The following CFAP47 variants were observed in gnomAD, a reference collection of about 807,000 sequenced individuals.
CFAP47 encodes the protein cilia- and flagella-associated protein 47.
CFAP47 carries 29 observed loss-of-function variants against 148.1 expected under a neutral mutation model. The ratio of observed to expected loss-of-function variants is 0.20; its 90% CI spans 0.15 to 0.27. The LOEUF is 0.27. CFAP47 is among the 10% of genes least tolerant of loss of function. The pLI, the probability that CFAP47 is intolerant of heterozygous loss-of-function variation, is 1.00. For missense variants in CFAP47, 1,872 were observed against 1,697.5 expected (o/e 1.10, Z -1.81); for synonymous variants, 664 against 577.3 (o/e 1.15, Z -2.15).
intron 48 of CFAP47, among the ~76,000 whole-genome samples, chrX:36,241,004 C>T (rs998530530): frequency 1.4e-4 from 15 of 110,191 alleles, no homozygotes; most frequent in African/African-American, 4.6e-4. Context: ...GGGAAAACAC[C>T]GAGAGTGGAT....
intron 3 of CFAP47, 86 bp from the exon 4 acceptor site, chrX:35,948,228 G>T: frequency 1.1e-6 from 1 of 885,769 alleles, no homozygotes; most frequent in Non-Finnish European, 1.6e-6. Flanking sequence ...TGGTCTACTG[G>T]GTAAAGTATG....
At chrX:36,016,701 CTTTTT>C (rs1281064323) in intron 22 of CFAP47, among the ~76,000 whole-genome samples, 1 of 54,457 alleles carries the variant, frequency 1.8e-5, no homozygotes. Flanking sequence ...TTATGCCAGT[CTTTTT>C]TTTTTTTTTT....
Position 36,039,051 on chromosome X carries a change from A to T in CFAP47, c.3879A>T (p.Ile1293=), listed in dbSNP as rs1937370760. 1 of 1,128,170 alleles carries T rather than the reference A, an allele frequency of 8.9e-7. No individual in the cohort carries two copies. The highest frequency in any genetic ancestry group is 1.2e-6 in the Non-Finnish European group (1 of 840,250). 93.0% of individuals were successfully genotyped at this position (1,128,170 alleles called of 1,213,427 possible). The change falls in exon 25 of 64, where the codon ATA becomes ATT. Residue 1293 remains isoleucine, a synonymous_variant. Coordinates refer to ENST00000378653, the MANE Select transcript of CFAP47 (RefSeq NM_001304548.2). ...LLNYIPVCYK[I]LHLTGEVKSP... is the part of the protein sequence containing the mutation. Reference sequence around the variant, plus strand: ...ATTATATTCCAGTTTGCTATAAAATATTACATCTTACTGGGGAAGTAAAAT... The same window carrying T: ...ATTATATTCCAGTTTGCTATAAAATTTTACATCTTACTGGGGAAGTAAAAT...
intron 49 of CFAP47, among the ~76,000 whole-genome samples, chrX:36,258,269 G>C (rs1176803377): frequency 1.8e-5 from 2 of 111,872 alleles, no homozygotes; most frequent in Non-Finnish European, 3.8e-5. Flanking sequence ...CAAACCAATA[G>C]AGTTAGCTTG....
chrX:36,358,025 T>C (rs1941798924), intron 60 of CFAP47, among the ~76,000 whole-genome samples: 1 of 111,839 alleles, frequency 8.9e-6, no homozygotes, highest in Non-Finnish European at 1.9e-5. Flanking sequence ...GTTTGGCCTG[T>C]AATCACAAAC....
chrX:36,118,799 A>G (rs1938689104), intron 33 of CFAP47, among the ~76,000 whole-genome samples: 1 of 112,085 alleles, frequency 8.9e-6, no homozygotes, highest in African/African-American at 3.2e-5. Flanking sequence ...TCTTTAGTTA[A>G]GGAAATTCCT....
intron 49 of CFAP47, among the ~76,000 whole-genome samples, chrX:36,252,804 G>C (rs1473565601): frequency 9.0e-6 from 1 of 111,588 alleles, no homozygotes; most frequent in East Asian, 2.8e-4. Flanking sequence ...ATTCAGAATT[G>C]GTATAATTAG....
rs1251048744 is a variant in CFAP47, at chrX:36,066,808, G to A, written c.4318+1065G>A. On this transcript the variant is annotated intron_variant, in intron 27 of 63. Coordinates refer to ENST00000378653, the MANE Select transcript of CFAP47 (RefSeq NM_001304548.2). ...AGCAAAAAGGGTAGCTTCAGGCCAT[G>A]CATTCCTTATTAATTCTTTCCAAAT... 2.7e-5 allele frequency among the ~76,000 whole-genome samples: 3 copies of A among 111,734 alleles called. No homozygotes were observed. The Admixed American group carries it at 2.8e-4, about 11-fold the overall frequency.
intron 47 of CFAP47, among the ~76,000 whole-genome samples, chrX:36,236,314 A>G (rs1042790283): frequency 8.9e-6 from 1 of 112,380 alleles, no homozygotes; most frequent in Non-Finnish European, 1.9e-5. Context: ...TTAATTTTGT[A>G]CAACATGCTG....
chrX:36,216,186 G>A (rs1422698117), intron 45 of CFAP47, among the ~76,000 whole-genome samples: 1 of 112,484 alleles, frequency 8.9e-6, no homozygotes, highest in Admixed American at 9.3e-5. Context: ...TCTGCGGGCA[G>A]AGCCCCGCAG....
intron 45 of CFAP47, among the ~76,000 whole-genome samples, chrX:36,218,471 A>C (rs1940180940): frequency 8.9e-6 from 1 of 111,977 alleles, no homozygotes; most frequent in Non-Finnish European, 1.9e-5. Flanking sequence ...ATTCCCAAAA[A>C]TGACCACAAC....
At chrX:36,080,880 G>A (rs1298143989) in intron 29 of CFAP47, among the ~76,000 whole-genome samples, 2 of 111,744 alleles carry the variant, frequency 1.8e-5, no homozygotes, top group Non-Finnish European at 1.9e-5. Flanking sequence ...GTATACATAT[G>A]TAACAAACCT....
Position 36,353,556 on chromosome X carries a change from G to A in CFAP47, c.8726G>A (p.Arg2909Gln), listed in dbSNP as rs1556017881. ...PVVIQCQSRKRAEEKVEIILN... is the reference protein window; with the variant it reads ...PVVIQCQSRKQAEEKVEIILN... ...GTCATACAATGTCAGTCCAGGAAGC[G>A]GGCAGAAGAGAAGGTAGAAATCATA... The change falls in exon 60 of 64, where the codon CGG (arginine) becomes CAG (glutamine). Residue 2909 changes from arginine to glutamine, a missense_variant. By Grantham distance (43) the Arg-to-Gln change is conservative (BLOSUM62 1). Transcript: ENST00000378653. 3.4e-6 allele frequency: 4 copies of A among 1,164,065 alleles called. No individual in the cohort carries two copies. Among genetic ancestry groups the A allele is most frequent in the African/African-American group, 1.8e-5 (1 of 56,174 alleles).
intron 25 of CFAP47, among the ~76,000 whole-genome samples, chrX:36,044,007 C>T (rs776471174): frequency 1.8e-5 from 2 of 112,981 alleles, no homozygotes; most frequent in African/African-American, 6.4e-5. Context: ...AGGCCCAACA[C>T]GATGTGGAAG....
Position 36,077,174 on chromosome X carries a change from C to T in CFAP47, c.4691+3810C>T, listed in dbSNP as rs193136369. ...TACAGTTTGAAGTCAGGTAATACAGCGCCTCCAGCTTTTTTTTTTTTTTTT... is the reference window on the plus strand; with the variant it reads ...TACAGTTTGAAGTCAGGTAATACAGTGCCTCCAGCTTTTTTTTTTTTTTTT... On this transcript the variant is annotated intron_variant, in intron 29 of 63. Transcript: ENST00000378653. 9.0e-5 allele frequency among the ~76,000 whole-genome samples: 7 copies of T among 77,560 alleles called. No homozygotes were observed. In the East Asian group the frequency reaches 1.7e-3, roughly 19 times the overall value. The allele number at this position is 77,560 out of a possible 115,157, so 67.4% of individuals were successfully genotyped here.
chrX:35,993,950 C>T (rs919011328), intron 18 of CFAP47, among the ~76,000 whole-genome samples: 1 of 111,410 alleles, frequency 9.0e-6, no homozygotes, highest in South Asian at 3.7e-4. Flanking sequence ...TTTATGTTCT[C>T]GGAATTATGT....
rs781913814 is a variant in CFAP47 at position 36,227,323 on chromosome X, C to T, written c.6818-1305C>T. Among the ~76,000 whole-genome samples the T allele has an allele frequency of 6.3e-5, 7 of 111,521 alleles. No homozygotes were observed. The South Asian group carries it at 2.2e-3, about 35-fold the overall frequency. On this transcript the variant is annotated intron_variant, in intron 45 of 63. Coordinates refer to ENST00000378653, the MANE Select transcript of CFAP47 (RefSeq NM_001304548.2). The stretch of plus-strand genomic sequence containing the variant: ...TGTAATACAAATTTCAAATATTATC[C>T]ATTATCAGCATGTTTTAATATGTAC...
At chrX:35,924,418 TGCACAC>T (rs1935690807) in intron 1 of CFAP47, among the ~76,000 whole-genome samples, 1 of 101,946 alleles carries the variant, frequency 9.8e-6, no homozygotes, top group Non-Finnish European at 1.9e-5. Context: ...TATGTGTATA[TGCACAC>T]ATATGTGTAT....
intron 27 of CFAP47, among the ~76,000 whole-genome samples, chrX:36,067,994 C>T (rs1937671974): frequency 8.9e-6 from 1 of 111,775 alleles, no homozygotes; most frequent in Admixed American, 9.5e-5. Context: ...CTTTAATTCC[C>T]AGGTATAAAA....
Sources: allele counts gnomAD v4.1 joint callset (sites outside exome capture counted in the v4.1 genomes callset), GRCh38; gene constraint gnomAD v4.1.1; transcripts MANE v1.5; gene names NCBI Gene and HGNC (gene_info 2026-07-23, HGNC 2026-07-21).